Variants in STARD9 observed in about 807,000 individuals in gnomAD.
The protein encoded by STARD9 is stAR-related lipid transfer protein 9.
In STARD9, 346 loss-of-function variants were observed where a neutral mutation model predicts 399.8. That is an observed-to-expected ratio of 0.87 (90% CI 0.79 to 0.95). STARD9 has a LOEUF of 0.95. Ranked by LOEUF, STARD9 falls within the 40% of genes least tolerant of loss-of-function variation. The pLI is 0.00. For missense variants in STARD9, 5,832 were observed against 5,667.5 expected (o/e 1.03, Z -0.93); for synonymous variants, 2,203 against 2,143.5 (o/e 1.03, Z -0.77).
At chr15:42,604,535 A>C (rs2058691962) in intron 3 of STARD9, among the ~76,000 whole-genome samples, 1 of 151,276 alleles carries the variant, frequency 6.6e-6, no homozygotes, top group South Asian at 2.1e-4. Context: ...TTAACCAAGG[A>C]TTTGAAAAAA....
intron 17 of STARD9, 54 bp from the exon 18 acceptor site, chr15:42,674,773 A>G: frequency 6.8e-7 from 1 of 1,470,948 alleles, no homozygotes; most frequent in Non-Finnish European, 9.0e-7. Flanking sequence ...AGAAATGGAG[A>G]GGGTGTTTCC....
chr15:42,690,378 C>T lies in STARD9; in HGVS notation c.8800C>T (p.Pro2934Ser), dbSNP rs762297391. The T allele has an allele frequency of 7.9e-5, 122 of 1,537,212 alleles. No individual in the cohort carries two copies. Among genetic ancestry groups the T allele is most frequent in the Non-Finnish European group, 1.1e-4 (122 of 1,146,900 alleles). ...AGATGGCCCTGTCTTCTCAAGGAAC[C>T]CTGAAGGCAGCAGGACTCTCAGCCC... The part of the protein sequence containing the change: ...ALDGPVFSRN[P>S]EGSRTLSPSR... The change falls in exon 23 of 33, where the codon CCT becomes TCT. Residue 2934 changes from proline to serine, a missense_variant. Around this residue, in one of 2 missense-constraint regions of STARD9, gnomAD observed 5,828 missense variants for 5,651.1 expected, o/e 1.03. Coordinates refer to ENST00000290607, the MANE Select transcript of STARD9 (RefSeq NM_020759.3).
chr15:42,688,736 G>C lies in STARD9; in HGVS notation c.7158G>C (p.Glu2386Asp). The C allele has an allele frequency of 6.5e-7, 1 of 1,537,700 alleles. No homozygotes were observed. Reference protein sequence around the residue: ...TGVEHQDQSTETRSHSPEGNV... With the variant: ...TGVEHQDQSTDTRSHSPEGNV... Reference sequence around the variant, plus strand: ...TAGAGCATCAGGACCAGAGTACGGAGACCAGAAGCCACAGCCCCGAAGGAA... The same window carrying C: ...TAGAGCATCAGGACCAGAGTACGGACACCAGAAGCCACAGCCCCGAAGGAA... Residue 2386 changes from glutamate to aspartate, a missense_variant, in exon 23 of 33, where the codon GAG becomes GAC. Coordinates refer to ENST00000290607, the MANE Select transcript of STARD9 (RefSeq NM_020759.3).
At position 42,663,927 on chromosome 15, in the gene STARD9, T is replaced by C. The variant is rs1464130288; in HGVS notation, c.1176+10T>C. On this transcript the variant is annotated intron_variant, in intron 13 of 32. Coordinates refer to ENST00000290607, the MANE Select transcript of STARD9 (RefSeq NM_020759.3). ...GCCACGAGTAAATGAGGTGAGACCT[T>C]TTCAGAAGTCCTGGTCTGGTATAGT... 1 of 1,498,326 alleles carries C rather than the reference T, an allele frequency of 6.7e-7. No homozygotes were observed. The highest frequency in any genetic ancestry group is 2.0e-5 in the Admixed American group (1 of 50,958). 92.8% of individuals were successfully genotyped at this position (1,498,326 alleles called of 1,614,324 possible).
intron 7 of STARD9, among the ~76,000 whole-genome samples, chr15:42,640,818 CAAAAAAAAA>C (rs34006967): frequency 1.2e-5 from 1 of 83,620 alleles, no homozygotes; most frequent in African/African-American, 5.0e-5. Context: ...GACTCCGTCT[CAAAAAAAAA>C]AAAAAAAAAA....
intron 3 of STARD9, among the ~76,000 whole-genome samples, chr15:42,601,766 T>C (rs899222316): frequency 1.3e-5 from 2 of 152,258 alleles, no homozygotes; most frequent in Admixed American, 1.3e-4. Context: ...ACAAACCCTA[T>C]AGCATTAAGT....
At position 42,692,310 on chromosome 15, in the gene STARD9, G is replaced by A. The variant is rs2060728243; in HGVS notation, c.10732G>A (p.Val3578Ile). The A allele has an allele frequency of 2.0e-6, 3 of 1,537,048 alleles. No individual in the cohort carries two copies. Among genetic ancestry groups the A allele is most frequent in the Admixed American group, 2.0e-5 (1 of 50,998 alleles). The change falls in exon 23 of 33, where the codon GTA becomes ATA. Residue 3578 changes from valine (V) to isoleucine (I), a missense_variant. Val to Ile is a conservative substitution (Grantham distance 29, BLOSUM62 3). This residue lies in a region of STARD9 where 5,828 missense variants were observed against 5,651.1 expected (regional missense o/e 1.03). Transcript: ENST00000290607. Reference sequence around the variant, plus strand: ...CCACATCCCGACGAGCCCTGAAGGAGTAGCCCCCACTTCGGGTCATGACAG... The same window carrying A: ...CCACATCCCGACGAGCCCTGAAGGAATAGCCCCCACTTCGGGTCATGACAG... The part of the protein sequence containing the change: ...DPHIPTSPEG[V>I]APTSGHDRRP...
intron 20 of STARD9, among the ~76,000 whole-genome samples, chr15:42,676,795 G>A (rs543111703): frequency 6.6e-6 from 1 of 152,258 alleles, no homozygotes; most frequent in African/African-American, 2.4e-5. Flanking sequence ...GTGTTGGGAG[G>A]CTGCCAAACA....
chr15:42,622,485 C>T (rs905107985), intron 3 of STARD9, among the ~76,000 whole-genome samples: 9 of 151,970 alleles, frequency 5.9e-5, no homozygotes, highest in Non-Finnish European at 8.8e-5. Context: ...CTCCCACCTC[C>T]GACTCTTGAT....
chr15:42,592,847 AT>A (rs1366307417), intron 3 of STARD9, among the ~76,000 whole-genome samples: 1 of 152,088 alleles, frequency 6.6e-6, no homozygotes. Context: ...ATTGGCCTGT[AT>A]TTTTTCTGGC....
In STARD9 at chr15:42,681,453, C is replaced by G. The variant is rs937085261; in HGVS notation, c.1906C>G (p.His636Asp). ...GCTTGAAGAGCAATGTGACGAGGAC[C>G]ATCAGACACCGAGGGATGGAGAGAC... ...RALEEQCDED[H>D]QTPRDGETSH... is the part of the protein sequence containing the mutation. The change falls in exon 21 of 33, where the codon CAT (histidine) becomes GAT (aspartate). Residue 636 changes from histidine (H) to aspartate (D), a missense_variant. Physicochemically the swap from His to Asp is moderately conservative, Grantham distance 81. Coordinates refer to ENST00000290607, the MANE Select transcript of STARD9 (RefSeq NM_020759.3). The G allele has an allele frequency of 1.3e-6, 2 of 1,537,050 alleles. No individual in the cohort carries two copies. The highest frequency in any genetic ancestry group is 1.7e-6 in the Non-Finnish European group (2 of 1,146,846).
Position 42,688,004 on chromosome 15 carries a change from C to T in STARD9, c.6426C>T (p.Pro2142=). The T allele has an allele frequency of 6.5e-7, 1 of 1,537,444 alleles. No individual in the cohort carries two copies. Among genetic ancestry groups the T allele is most frequent in the Non-Finnish European group, 8.7e-7 (1 of 1,146,970 alleles). The part of the protein sequence containing the change: ...AMEVNSIGNH[P]QVQKITPNPF... ...AGGTTAACAGCATTGGGAACCATCC[C>T]CAGGTCCAGAAAATCACCCCAAACC... is the stretch of plus-strand genomic sequence containing the variant. Residue 2142 remains proline (P), a synonymous_variant, in exon 23 of 33, where the codon CCC becomes CCT. Transcript: ENST00000290607.
At position 42,682,980 on chromosome 15, in the gene STARD9, C is replaced by T. The variant is rs2140214131; in HGVS notation, c.2537+405C>T. ...CCCTCCCTCTCCCTCCTCGACCTGC[C>T]ACATCAAGTGAGCTTTCTCACCCCA... On this transcript the variant is annotated intron_variant, in intron 22 of 32. Coordinates refer to ENST00000290607, the MANE Select transcript of STARD9 (RefSeq NM_020759.3). Among the ~76,000 whole-genome samples, 3 of 152,302 alleles carry T rather than the reference C, an allele frequency of 2.0e-5. No individual in the cohort carries two copies. In the South Asian group the frequency reaches 6.2e-4, roughly 32 times the overall value.
intron 20 of STARD9, among the ~76,000 whole-genome samples, chr15:42,679,044 G>A (rs1011099976): frequency 6.6e-6 from 1 of 152,170 alleles, no homozygotes; most frequent in Non-Finnish European, 1.5e-5. Flanking sequence ...CCCTTCTAGG[G>A]AGAAGCAGAT....
At chr15:42,578,088 G>A (rs1211776638) in intron 1 of STARD9, among the ~76,000 whole-genome samples, 1 of 148,414 alleles carries the variant, frequency 6.7e-6, no homozygotes, top group Non-Finnish European at 1.5e-5. Flanking sequence ...TATTCAGTAG[G>A]ACTAGAGTTG....
At chr15:42,670,393 AG>A (rs979217479) in intron 16 of STARD9, 1 of 152,248 alleles carries the variant, frequency 6.6e-6, no homozygotes, top group African/African-American at 2.4e-5. Flanking sequence ...CCTGGAGGCC[AG>A]TCCTCATTTC....
rs2042453488 is a variant in STARD9, at chr15:42,718,187, C to CA, written c.13762+9dup. 1.3e-6 allele frequency: 2 copies of CA among 1,535,422 alleles called. No homozygotes were observed. Among genetic ancestry groups the CA allele is most frequent in the Non-Finnish European group, 1.7e-6 (2 of 1,146,032 alleles). On this transcript the variant is annotated intron_variant, in intron 30 of 32. Coordinates refer to ENST00000290607, the MANE Select transcript of STARD9 (RefSeq NM_020759.3). ...CCAACAGCATCAGCCTGGGTGAGCC[C>CA]AGGGAAGGAAGGCTTCCATGGGGCC...
At chr15:42,710,865 A>G (rs188508115) in intron 26 of STARD9, among the ~76,000 whole-genome samples, 1 of 151,282 alleles carries the variant, frequency 6.6e-6, no homozygotes, top group African/African-American at 2.4e-5. Flanking sequence ...CTGTCTTCAC[A>G]TGACATTCTT....
intron 15 of STARD9, among the ~76,000 whole-genome samples, chr15:42,668,868 GT>G (rs376174966): frequency 5.3e-5 from 8 of 152,116 alleles, no homozygotes; most frequent in African/African-American, 1.9e-4. Context: ...AAAATAACAT[GT>G]TTTTTTCTAA....
Sources: gnomAD v4.1 joint callset for allele counts (sites outside exome capture counted in the v4.1 genomes callset) on GRCh38, gnomAD v4.1.1 for gene constraint, gnomAD v4.1.1 regional missense constraint, MANE v1.5 for transcripts, NCBI Gene and HGNC (gene_info 2026-07-23, HGNC 2026-07-21) for gene names.